Variants in UNC5C observed in about 807,000 individuals in gnomAD.
UNC5C encodes netrin receptor UNC5C.
In UNC5C, 47 loss-of-function variants were observed where a neutral mutation model predicts 99.8. The ratio of observed to expected loss-of-function variants is 0.47; its 90% CI spans 0.37 to 0.60. The LOEUF is 0.60. Ranked by LOEUF, UNC5C falls within the 20% of genes least tolerant of loss-of-function variation. The probability of loss-of-function intolerance (pLI) is 0.00; values close to 1 mark genes in which losing one functional copy is unlikely to be tolerated. For missense variants in UNC5C, 1,062 were observed against 1,165.9 expected (o/e 0.91, Z 1.30); for synonymous variants, 487 against 452.2 (o/e 1.08, Z -0.98).
intron 1 of UNC5C, among the ~76,000 whole-genome samples, chr4:95,472,251 ATTC>A (rs1348996212): frequency 9.9e-5 from 15 of 152,276 alleles, no homozygotes; most frequent in Admixed American, 2.0e-4. Context: ...TGTAAATTAA[ATTC>A]TTCTCATGAA....
At chr4:95,190,453 A>T (rs1737033575) in intron 12 of UNC5C, among the ~76,000 whole-genome samples, 1 of 152,206 alleles carries the variant, frequency 6.6e-6, no homozygotes, top group South Asian at 2.1e-4. Flanking sequence ...ACAAACCTGC[A>T]CATTGTGCAC....
intron 4 of UNC5C, among the ~76,000 whole-genome samples, chr4:95,253,826 C>A (rs114780690): frequency 2.7e-4 from 41 of 152,298 alleles, no homozygotes; most frequent in African/African-American, 9.6e-4. Context: ...CCGCCCCTCA[C>A]CTCCTGTGCT....
At chr4:95,207,372 TA>T (rs1445500144) in intron 10 of UNC5C, among the ~76,000 whole-genome samples, 2 of 152,152 alleles carry the variant, frequency 1.3e-5, no homozygotes, top group East Asian at 3.8e-4. Flanking sequence ...TACAGCAACT[TA>T]AAATGAGATC....
intron 1 of UNC5C, among the ~76,000 whole-genome samples, chr4:95,535,684 C>T (rs959313211): frequency 2.0e-5 from 3 of 152,140 alleles, no homozygotes; most frequent in African/African-American, 7.2e-5. Context: ...TAGATAAAGG[C>T]TGCCATTAGT....
intron 1 of UNC5C, among the ~76,000 whole-genome samples, chr4:95,370,647 C>G (rs996094689): frequency 3.3e-5 from 5 of 152,176 alleles, no homozygotes; most frequent in African/African-American, 1.2e-4. Flanking sequence ...CTTTTGCTCA[C>G]TTATATTTGG....
intron 2 of UNC5C, among the ~76,000 whole-genome samples, chr4:95,316,827 T>A (rs981637451): frequency 3.3e-5 from 5 of 152,082 alleles, no homozygotes; most frequent in Non-Finnish European, 7.4e-5. Flanking sequence ...GCAAGTTTTT[T>A]AAAAAGTCAA....
intron 12 of UNC5C, among the ~76,000 whole-genome samples, chr4:95,186,516 G>GCAAA (rs1378938678): frequency 2.6e-5 from 4 of 152,180 alleles, no homozygotes; most frequent in South Asian, 4.1e-4. Flanking sequence ...TTGATTACAT[G>GCAAA]CAAACAGCTC....
At chr4:95,400,302 C>G (rs1278520135) in intron 1 of UNC5C, among the ~76,000 whole-genome samples, 2 of 151,172 alleles carry the variant, frequency 1.3e-5, no homozygotes, top group Admixed American at 1.3e-4. Context: ...TGTCAAGGAG[C>G]CTGTGGGAGC....
At chr4:95,443,919 C>G (rs1446101694) in intron 1 of UNC5C, among the ~76,000 whole-genome samples, 1 of 152,072 alleles carries the variant, frequency 6.6e-6, no homozygotes, top group Non-Finnish European at 1.5e-5. Flanking sequence ...TTTAATTAAA[C>G]CATGAATGTT....
chr4:95,357,132 T>TTTA (rs1334495340), intron 1 of UNC5C, among the ~76,000 whole-genome samples: 1 of 94,596 alleles, frequency 1.1e-5, no homozygotes, highest in African/African-American at 6.6e-5. Flanking sequence ...TTTCCTTTTT[T>TTTA]TTGTTTTTTT....
chr4:95,417,224 G>C (rs1054846225), intron 1 of UNC5C, among the ~76,000 whole-genome samples: 2 of 152,106 alleles, frequency 1.3e-5, no homozygotes, highest in African/African-American at 4.8e-5. Context: ...ATGGCACACC[G>C]GAAAATGAAC....
intron 5 of UNC5C, among the ~76,000 whole-genome samples, chr4:95,249,641 G>T (rs1739621937): frequency 6.6e-6 from 1 of 152,092 alleles, no homozygotes; most frequent in Admixed American, 6.6e-5. Context: ...AAACCACACA[G>T]GGAGATAAAA....
At chr4:95,455,575 T>G (rs1029899426) in intron 1 of UNC5C, among the ~76,000 whole-genome samples, 3 of 151,826 alleles carry the variant, frequency 2.0e-5, no homozygotes, top group African/African-American at 7.3e-5. Flanking sequence ...CTGCAGTGAG[T>G]TATAATTGCA....
At chr4:95,294,242 G>C (rs1741590768) in intron 3 of UNC5C, among the ~76,000 whole-genome samples, 1 of 152,270 alleles carries the variant, frequency 6.6e-6, no homozygotes, top group African/African-American at 2.4e-5. Flanking sequence ...TGCTGTTTTA[G>C]ACAGTGTGCT....
At chr4:95,267,179 T>C (rs781305919) in intron 4 of UNC5C, among the ~76,000 whole-genome samples, 1 of 152,226 alleles carries the variant, frequency 6.6e-6, no homozygotes, top group Non-Finnish European at 1.5e-5. Context: ...CAAAGTGATA[T>C]AATTTTAAAA....
chr4:95,437,398 C>G (rs1560832275), intron 1 of UNC5C, among the ~76,000 whole-genome samples: 1 of 151,780 alleles, frequency 6.6e-6, no homozygotes, highest in African/African-American at 2.4e-5. Context: ...ATTCCATTTA[C>G]TGAATATCTA....
chr4:95,335,321 T>G (rs949587598), intron 2 of UNC5C, 89 bp downstream of exon 2: 132 of 1,209,236 alleles, frequency 1.1e-4, no homozygotes, highest in Admixed American at 2.6e-4. Flanking sequence ...CATTTTCCAT[T>G]CCACTAATTG....
chr4:95,234,146 G>C (rs1233596864), intron 7 of UNC5C, among the ~76,000 whole-genome samples: 1 of 151,990 alleles, frequency 6.6e-6, no homozygotes, highest in Non-Finnish European at 1.5e-5. Flanking sequence ...TTAATGTAAA[G>C]CCTATTTCAA....
Position 95,179,378 on chromosome 4 carries a change from TAA to T in UNC5C, c.2451+3517_2451+3518del, listed in dbSNP as rs1018055179. 2.6e-5 allele frequency among the ~76,000 whole-genome samples: 4 copies of T among 152,346 alleles called. No individual in the cohort carries two copies. The South Asian group carries it at 6.2e-4, about 24-fold the overall frequency. ...TACAGAAGTGCTGTGCACCACAACT[TAA>T]GAGGTTATAAGATCTAGCAAATATA... On this transcript the variant is annotated intron_variant, in intron 14 of 15. Coordinates refer to ENST00000453304, the MANE Select transcript of UNC5C (RefSeq NM_003728.4).
Sources: gnomAD v4.1 joint callset for allele counts (sites outside exome capture counted in the v4.1 genomes callset) on GRCh38, gnomAD v4.1.1 for gene constraint, MANE v1.5 for transcripts, NCBI Gene and HGNC (gene_info 2026-07-23, HGNC 2026-07-21) for gene names.